ANKH: variants seen among roughly 807,000 people sequenced by gnomAD.
ANKH encodes mineralization regulator ANKH.
ANKH carries 15 observed loss-of-function variants against 49.0 expected under a neutral mutation model. That is an observed-to-expected ratio of 0.31 (90% CI 0.20 to 0.47). The LOEUF (loss-of-function observed/expected upper bound fraction) is 0.47. Ranked by LOEUF, ANKH falls within the 20% of genes least tolerant of loss-of-function variation. The pLI is 1.00. For missense variants in ANKH, 429 were observed against 652.0 expected (o/e 0.66, Z 3.72); for synonymous variants, 273 against 260.0 (o/e 1.05, Z -0.48).
chr5:14,765,318 T>C lies in ANKH; in HGVS notation c.313+3657A>G, dbSNP rs894743999. On this transcript the variant is annotated intron_variant, in intron 2 of 11. Transcript: ENST00000284268. The stretch of plus-strand genomic sequence containing the variant: ...TCTAGAGCCAGGCTATGGGTGTGCA[T>C]AGTATGGACAGTAACTCTTGTCCAG... 8.5e-5 allele frequency among the ~76,000 whole-genome samples: 13 copies of C among 152,314 alleles called. No homozygotes were observed. In the East Asian group the frequency reaches 1.9e-3, roughly 23 times the overall value.
At position 14,724,743 on chromosome 5, in the gene ANKH, T is replaced by A. The variant is rs566322401; in HGVS notation, c.1012-7908A>T. ...GATATGAAGCAGCCAGTTGTCTTCATCAGCACGTGAACTCAGAAACATGCC... is the reference window on the plus strand; with the variant it reads ...GATATGAAGCAGCCAGTTGTCTTCAACAGCACGTGAACTCAGAAACATGCC... On this transcript the variant is annotated intron_variant, in intron 8 of 11. Coordinates refer to ENST00000284268, the MANE Select transcript of ANKH (RefSeq NM_054027.6). Among the ~76,000 whole-genome samples, 3 of 152,278 alleles carry A rather than the reference T, an allele frequency of 2.0e-5. No individual in the cohort carries two copies. In the South Asian group the frequency reaches 6.2e-4, roughly 32 times the overall value.
At chr5:14,731,941 C>A (rs548177896) in intron 8 of ANKH, among the ~76,000 whole-genome samples, 1 of 152,168 alleles carries the variant, frequency 6.6e-6, no homozygotes. Flanking sequence ...GGGAGCTGCG[C>A]GAGTGTCACG....
chr5:14,769,227 A>G (rs1249391550), intron 1 of ANKH, 36 bp from the exon 2 acceptor site: 1 of 1,534,904 alleles, frequency 6.5e-7, no homozygotes, highest in African/African-American at 1.4e-5. Context: ...AGCATTAGAA[A>G]TGTCATCTCT....
At chr5:14,780,346 C>T (rs1008695550) in intron 1 of ANKH, among the ~76,000 whole-genome samples, 2 of 152,170 alleles carry the variant, frequency 1.3e-5, no homozygotes, top group African/African-American at 4.8e-5. Context: ...AGTTCAAGAC[C>T]GGCCTGGCCA....
In ANKH at chr5:14,711,016, C is replaced by T. The variant is rs1480472535; in HGVS notation, c.*181G>A. The T allele has an allele frequency of 3.8e-5, 25 of 651,782 alleles. No individual in the cohort carries two copies. Among genetic ancestry groups the T allele is most frequent in the Non-Finnish European group, 5.6e-5 (20 of 358,586 alleles). The allele number at this position is 651,782 out of a possible 1,614,324, so 40.4% of individuals were successfully genotyped here. On this transcript the variant is annotated 3_prime_UTR_variant, in exon 12 of 12. Coordinates refer to ENST00000284268, the MANE Select transcript of ANKH (RefSeq NM_054027.6). ...CAGTAAAGACCATTCACTAGGTCCC[C>T]CCGTCAGTGTGAGCATACCCAGTAT...
At chr5:14,721,484 T>C (rs564793898) in intron 8 of ANKH, among the ~76,000 whole-genome samples, 1 of 152,266 alleles carries the variant, frequency 6.6e-6, no homozygotes, top group South Asian at 2.1e-4. Flanking sequence ...AAAGTCTCCT[T>C]TTTCTTCCTC....
At chr5:14,859,514 C>T (rs930332591) in intron 1 of ANKH, among the ~76,000 whole-genome samples, 2 of 152,190 alleles carry the variant, frequency 1.3e-5, no homozygotes, top group African/African-American at 2.4e-5. Context: ...TTTACAAACT[C>T]TCCACCTGCT....
chr5:14,829,184 C>CAAAAAAAA (rs56223225), intron 1 of ANKH, among the ~76,000 whole-genome samples: 1 of 106,022 alleles, frequency 9.4e-6, no homozygotes, highest in Non-Finnish European at 2.0e-5. Context: ...GACTCTGTCT[C>CAAAAAAAA]AAAAAAAAAA....
chr5:14,742,880 C>T (rs1300793726), intron 7 of ANKH, among the ~76,000 whole-genome samples: 13 of 152,362 alleles, frequency 8.5e-5, no homozygotes, highest in South Asian at 2.1e-4. Flanking sequence ...CCCTGCAAAA[C>T]GAGGGCCTGG....
intron 8 of ANKH, among the ~76,000 whole-genome samples, chr5:14,730,653 A>T (rs563639892): frequency 1.3e-3 from 198 of 152,290 alleles, no homozygotes; most frequent in African/African-American, 4.5e-3. Flanking sequence ...TCGACCTTTA[A>T]GGGCTTGCAG....
At chr5:14,742,129 C>A (rs1338465455) in intron 7 of ANKH, among the ~76,000 whole-genome samples, 1 of 152,200 alleles carries the variant, frequency 6.6e-6, no homozygotes, top group Non-Finnish European at 1.5e-5. Flanking sequence ...TGAGTGAATT[C>A]TCGACTCAAT....
Position 14,797,600 on chromosome 5 carries a change from G to A in ANKH, c.97-28409C>T, listed in dbSNP as rs181550399. 176 of 1,609,450 alleles carry A rather than the reference G, an allele frequency of 1.1e-4. No individual in the cohort carries two copies. The African/African-American group carries it at 2.0e-3, about 18-fold the overall frequency. On this transcript the variant is annotated intron_variant, in intron 1 of 11. Coordinates refer to ENST00000284268, the MANE Select transcript of ANKH (RefSeq NM_054027.6). Reference sequence around the variant, plus strand: ...CTTCAGCAGTGTGAGTGTCAACTGAGTGGCTTGGTTTGGAAGTATTGTTTG... The same window carrying A: ...CTTCAGCAGTGTGAGTGTCAACTGAATGGCTTGGTTTGGAAGTATTGTTTG...
intron 1 of ANKH, among the ~76,000 whole-genome samples, chr5:14,845,756 C>T (rs1199658416): frequency 6.6e-6 from 1 of 151,226 alleles, no homozygotes; most frequent in Non-Finnish European, 1.5e-5. Context: ...GCTGGGCAAC[C>T]AAGGACATGT....
intron 8 of ANKH, among the ~76,000 whole-genome samples, chr5:14,720,049 G>C (rs1463539790): frequency 6.6e-6 from 1 of 152,030 alleles, no homozygotes; most frequent in African/African-American, 2.4e-5. Context: ...TTTAGGCTCT[G>C]AGTACACTAA....
chr5:14,832,630 A>C (rs1741536942), intron 1 of ANKH, among the ~76,000 whole-genome samples: 1 of 152,244 alleles, frequency 6.6e-6, no homozygotes, highest in Admixed American at 6.5e-5. Context: ...GAGTTGGAGG[A>C]AGTAAGTTTC....
chr5:14,789,455 T>TA (rs35825962), intron 1 of ANKH, among the ~76,000 whole-genome samples: 1,877 of 128,136 alleles, frequency 0.015, 39 homozygotes, highest in African/African-American at 0.043. Context: ...ATGGTGGTGA[T>TA]AAAAAAAAAA....
chr5:14,858,044 CA>C (rs1343260329), intron 1 of ANKH, among the ~76,000 whole-genome samples: 1 of 152,222 alleles, frequency 6.6e-6, no homozygotes, highest in East Asian at 1.9e-4. Flanking sequence ...ATAGTTTGAA[CA>C]TTAACTACAG....
At chr5:14,734,792 G>A (rs555090721) in intron 8 of ANKH, among the ~76,000 whole-genome samples, 1 of 152,316 alleles carries the variant, frequency 6.6e-6, no homozygotes, top group East Asian at 1.9e-4. Flanking sequence ...GTATTGATAC[G>A]TTCAACTGAA....
chr5:14,792,320 T>C lies in ANKH; in HGVS notation c.97-23129A>G, dbSNP rs186467080. On this transcript the variant is annotated intron_variant, in intron 1 of 11. Coordinates refer to ENST00000284268, the MANE Select transcript of ANKH (RefSeq NM_054027.6). The stretch of plus-strand genomic sequence containing the variant: ...AAGAACAATCTGGGAAGAATGTGCA[T>C]AGTGGACTAGAGTGGCAAAAAACAG... Among the ~76,000 whole-genome samples the C allele has an allele frequency of 1.8e-3, 269 of 152,316 alleles. 1 individual carries two copies. Among genetic ancestry groups the C allele is most frequent in the African/African-American group, 6.2e-3 (256 of 41,568 alleles).
Sources: allele counts gnomAD v4.1 joint callset (sites outside exome capture counted in the v4.1 genomes callset), GRCh38; gene constraint gnomAD v4.1.1; transcripts MANE v1.5; gene names NCBI Gene and HGNC (gene_info 2026-07-23, HGNC 2026-07-21).